RAB38: variants seen among roughly 807,000 people sequenced by gnomAD.
The protein encoded by RAB38 is RAB38, member RAS oncogene family.
A neutral mutation model predicts 18.4 loss-of-function variants in RAB38; 15 were observed. The ratio of observed to expected loss-of-function variants is 0.82; its 90% CI spans 0.55 to 1.26. RAB38 has a LOEUF of 1.26. Among genes scored for constraint, RAB38 ranks in the 50% most tolerant of loss-of-function variants. The pLI is 0.00. For synonymous variants in RAB38, 101 were observed against 104.4 expected (o/e 0.97, Z 0.20); for missense variants, 294 against 267.4 (o/e 1.10, Z -0.69).
chr11:87,825,837 G>A, the RAB38 span, among the ~76,000 whole-genome samples: 1 of 151,924 alleles, frequency 6.6e-6, no homozygotes, highest in Non-Finnish European at 1.5e-5. Flanking sequence ...GCAGTAATAG[G>A]GACATCATTT....
the RAB38 span, among the ~76,000 whole-genome samples, chr11:87,878,280 A>G: frequency 2.9e-5 from 4 of 140,312 alleles, no homozygotes; most frequent in Admixed American, 1.5e-4. Context: ...CTATCTATCT[A>G]TCTATCTATC....
chr11:88,126,283 G>A (rs1014615712), intron 2 of RAB38, among the ~76,000 whole-genome samples: 2 of 152,104 alleles, frequency 1.3e-5, no homozygotes, highest in Non-Finnish European at 2.9e-5. Flanking sequence ...GTTCACAATA[G>A]CAAAGACTTG....
At chr11:88,143,274 AG>A (rs1328586824) in intron 2 of RAB38, among the ~76,000 whole-genome samples, 1 of 152,266 alleles carries the variant, frequency 6.6e-6, no homozygotes, top group African/African-American at 2.4e-5. Context: ...TAAAGCCACT[AG>A]CAGAGTGGTT....
At chr11:87,880,565 A>T in the RAB38 span, among the ~76,000 whole-genome samples, 4 of 151,784 alleles carry the variant, frequency 2.6e-5, no homozygotes, top group Admixed American at 2.6e-4. Flanking sequence ...TACACTGACT[A>T]ATACACTGTT....
chr11:88,131,169 T>C (rs912809441), intron 2 of RAB38, among the ~76,000 whole-genome samples: 2 of 152,224 alleles, frequency 1.3e-5, no homozygotes, highest in African/African-American at 4.8e-5. Context: ...TAATATGGTA[T>C]TGTTCAGTTA....
At chr11:88,139,693 A>G (rs532916150) in intron 2 of RAB38, among the ~76,000 whole-genome samples, 1 of 152,332 alleles carries the variant, frequency 6.6e-6, no homozygotes, top group African/African-American at 2.4e-5. Context: ...AGTGTTTTCC[A>G]AAAACATATA....
At chr11:88,147,033 A>C (rs1942996086) in intron 2 of RAB38, among the ~76,000 whole-genome samples, 1 of 152,212 alleles carries the variant, frequency 6.6e-6, no homozygotes, top group African/African-American at 2.4e-5. Context: ...TGAGCAAGGA[A>C]CGTCAGAGTG....
the RAB38 span, among the ~76,000 whole-genome samples, chr11:87,963,479 A>G: frequency 6.6e-6 from 1 of 152,186 alleles, no homozygotes; most frequent in African/African-American, 2.4e-5. Context: ...TAATAGGACT[A>G]TAGAAAACCT....
chr11:87,944,218 A>C, the RAB38 span, among the ~76,000 whole-genome samples: 1 of 152,186 alleles, frequency 6.6e-6, no homozygotes, highest in Non-Finnish European at 1.5e-5. Flanking sequence ...CCTATTAGAA[A>C]AGTGGTATGC....
At chr11:88,146,884 C>T (rs1850933059) in intron 2 of RAB38, among the ~76,000 whole-genome samples, 1 of 152,172 alleles carries the variant, frequency 6.6e-6, no homozygotes, top group South Asian at 2.1e-4. Context: ...TCCCCAACAC[C>T]GTACAAAGCT....
At chr11:87,976,211 T>A in the RAB38 span, among the ~76,000 whole-genome samples, 1 of 147,022 alleles carries the variant, frequency 6.8e-6, no homozygotes, top group East Asian at 2.0e-4. Flanking sequence ...CTATGTATAT[T>A]TTTATGTATA....
At chr11:88,128,199 G>A (rs760249060) in intron 2 of RAB38, among the ~76,000 whole-genome samples, 5 of 152,156 alleles carry the variant, frequency 3.3e-5, no homozygotes, top group Non-Finnish European at 5.9e-5. Flanking sequence ...AGCAGATTAA[G>A]TCCTCTTTCT....
downstream of RAB38, among the ~76,000 whole-genome samples, chr11:88,112,622 A>T (rs1333969816): frequency 1.3e-5 from 2 of 152,082 alleles, no homozygotes; most frequent in Non-Finnish European, 2.9e-5. Flanking sequence ...AAAAATACAA[A>T]AATTAGCTGG....
At chr11:87,816,272 G>T in the RAB38 span, 7 of 152,506 alleles carry the variant, frequency 4.6e-5, no homozygotes, top group East Asian at 1.2e-3. Context: ...TATAAGGTTT[G>T]TAGGTTTTTC....
At chr11:88,142,669 T>C (rs556496334) in intron 2 of RAB38, among the ~76,000 whole-genome samples, 2 of 152,356 alleles carry the variant, frequency 1.3e-5, no homozygotes, top group African/African-American at 4.8e-5. Context: ...TATTTTTCTA[T>C]GTTTCTTCTC....
Position 88,113,913 on chromosome 11 carries a change from C to A in RAB38, c.*75G>T. On this transcript the variant is annotated 3_prime_UTR_variant, in exon 3 of 3. Coordinates refer to ENST00000243662, the MANE Select transcript of RAB38 (RefSeq NM_022337.3). Reference sequence around the variant, plus strand: ...GTGGTATCTCTATCCTGACGTTTACCCAAAATGGTAAAAATAGAGGCACAA... The same window carrying A: ...GTGGTATCTCTATCCTGACGTTTACACAAAATGGTAAAAATAGAGGCACAA... The A allele has an allele frequency of 6.4e-7, 1 of 1,571,570 alleles. No homozygotes were observed. The highest frequency in any genetic ancestry group is 1.1e-5 in the South Asian group (1 of 88,944).
the RAB38 span, among the ~76,000 whole-genome samples, chr11:88,075,619 G>A: frequency 6.6e-6 from 1 of 152,126 alleles, no homozygotes; most frequent in South Asian, 2.1e-4. Context: ...AGTGGCTCAA[G>A]CCTGTTATCA....
the RAB38 span, among the ~76,000 whole-genome samples, chr11:87,914,449 G>A: frequency 6.6e-6 from 1 of 152,244 alleles, no homozygotes; most frequent in South Asian, 2.1e-4. Flanking sequence ...ATTTCCAATA[G>A]CAAAGTCTCC....
At chr11:88,032,785 T>C in the RAB38 span, among the ~76,000 whole-genome samples, 1 of 152,222 alleles carries the variant, frequency 6.6e-6, no homozygotes, top group East Asian at 1.9e-4. Context: ...GGTGGGACTG[T>C]AAACTAGTTC....
Sources: gnomAD v4.1 joint callset for allele counts (sites outside exome capture counted in the v4.1 genomes callset) on GRCh38, gnomAD v4.1.1 for gene constraint, MANE v1.5 for transcripts, NCBI Gene and HGNC (gene_info 2026-07-23, HGNC 2026-07-21) for gene names.